The following ADGRB1 variants were observed in gnomAD, a reference collection of about 807,000 sequenced individuals.
ADGRB1 encodes the protein brain-specific angiogenesis inhibitor 1.
Under a neutral mutation model 175.7 loss-of-function variants are expected in ADGRB1, and 36 were observed. The observed-to-expected ratio is 0.20, with a 90% CI of 0.16 to 0.27. The LOEUF (loss-of-function observed/expected upper bound fraction) is 0.27, where lower values mean the gene tolerates loss of function less well. Ranked by LOEUF, ADGRB1 falls within the 10% of genes least tolerant of loss-of-function variation. The probability of loss-of-function intolerance (pLI) is 1.00; values close to 1 mark genes in which losing one functional copy is unlikely to be tolerated. For synonymous variants in ADGRB1, 1,054 were observed against 979.4 expected (o/e 1.08, Z -1.42); for missense variants, 1,731 against 2,255.3 (o/e 0.77, Z 4.71).
intron 1 of ADGRB1, among the ~76,000 whole-genome samples, chr8:142,453,953 A>G (rs1466625095): frequency 6.6e-6 from 1 of 152,140 alleles, no homozygotes; most frequent in East Asian, 1.9e-4. Flanking sequence ...TGAGAAATAG[A>G]CCAGAGCTGG....
rs1378203895 is a variant in ADGRB1 at position 142,492,219 on chromosome 8, G to A, written c.2675+1404G>A. ...ACCTTCTACCCACCACCCATCCACCGCTCCTCCGTCCGCCTGTTCTTTAAT... is the reference window on the plus strand; with the variant it reads ...ACCTTCTACCCACCACCCATCCACCACTCCTCCGTCCGCCTGTTCTTTAAT... On this transcript the variant is annotated intron_variant, in intron 17 of 30. Transcript: ENST00000517894. The surrounding 1 kb of genome is among the most constrained non-coding windows in gnomAD (Gnocchi z 4.4). Among the ~76,000 whole-genome samples the A allele has an allele frequency of 6.6e-6, 1 of 151,844 alleles. No homozygotes were observed. The highest frequency in any genetic ancestry group is 1.5e-5 in the Non-Finnish European group (1 of 67,950).
intron 12 of ADGRB1, 33 bp downstream of exon 12, chr8:142,484,078 C>T (rs771749725): frequency 1.9e-6 from 3 of 1,590,558 alleles, no homozygotes; most frequent in Non-Finnish European, 8.6e-7. Context: ...TCAGCAGCCT[C>T]AGGAGGGGTG....
Position 142,476,654 on chromosome 8 carries a change from G to A in ADGRB1, c.1016G>A (p.Gly339Glu), listed in dbSNP as rs1840993041. Residue 339 changes from glycine to glutamate, a missense_variant, in exon 4 of 31, where the codon GGG becomes GAG. This residue lies in a region of ADGRB1 where 178 missense variants were observed against 227.8 expected (regional missense o/e 0.78). Transcript: ENST00000517894. ...STDARRREELGDELQQFGFPA... is the reference protein window; with the variant it reads ...STDARRREELEDELQQFGFPA... The stretch of plus-strand genomic sequence containing the variant: ...GATGCCCGGCGGCGCGAGGAGCTGG[G>A]GGACGAGCTGCAGCAGTTTGGGTTC... 6.5e-7 allele frequency: 1 copy of A among 1,548,198 alleles called. No individual in the cohort carries two copies. The highest frequency in any genetic ancestry group is 8.7e-7 in the Non-Finnish European group (1 of 1,146,008).
At chr8:142,514,173 G>C (rs938676365) in intron 18 of ADGRB1, among the ~76,000 whole-genome samples, 1 of 152,104 alleles carries the variant, frequency 6.6e-6, no homozygotes, top group Admixed American at 6.5e-5. Flanking sequence ...GTGGCTTCGG[G>C]GGTTCAGAGT....
In ADGRB1 at chr8:142,542,211, T is replaced by G; in HGVS notation, c.3977T>G (p.Phe1326Cys). The stretch of plus-strand genomic sequence containing the variant: ...TCCTTCGTCGGTGACGGGGACATCT[T>G]CAAGAAGCTGGACTCGGAGCTGAGC... ...KSSFVGDGDIFKKLDSELSRA... is the reference protein window; with the variant it reads ...KSSFVGDGDICKKLDSELSRA... Residue 1326 changes from phenylalanine (F) to cysteine (C), a missense_variant, in exon 28 of 31, where the codon TTC (phenylalanine) becomes TGC (cysteine). Around this residue, in one of 8 missense-constraint regions of ADGRB1, gnomAD observed 394 missense variants for 410.2 expected, o/e 0.96. Transcript: ENST00000517894. The surrounding 1 kb of genome is among the most constrained non-coding windows in gnomAD (Gnocchi z 6.3). 1 of 1,613,564 alleles carries G rather than the reference T, an allele frequency of 6.2e-7. No homozygotes were observed. The highest frequency in any genetic ancestry group is 8.5e-7 in the Non-Finnish European group (1 of 1,179,792).
intron 27 of ADGRB1, 101 bp downstream of exon 27, chr8:142,539,514 C>A: frequency 7.1e-7 from 1 of 1,400,590 alleles, no homozygotes; most frequent in South Asian, 1.3e-5. Flanking sequence ...CATCCCTGTC[C>A]ACTCCTGCTG....
At chr8:142,453,037 C>T (rs1839451897) in intron 1 of ADGRB1, among the ~76,000 whole-genome samples, 1 of 115,362 alleles carries the variant, frequency 8.7e-6, no homozygotes, top group Non-Finnish European at 1.7e-5. Flanking sequence ...CGCCCGCCCG[C>T]CCGCCCGCTC....
chr8:142,499,917 A>G (rs1413767314), intron 17 of ADGRB1, among the ~76,000 whole-genome samples: 1 of 302 alleles, frequency 3.3e-3, no homozygotes, highest in Non-Finnish European at 7.2e-3. Context: ...CAGCAGGCTT[A>G]TGGGTTGGGC....
intron 24 of ADGRB1, among the ~76,000 whole-genome samples, chr8:142,528,053 C>T (rs1200987036): frequency 3.3e-5 from 5 of 151,264 alleles, no homozygotes; most frequent in African/African-American, 7.3e-5. Flanking sequence ...GTGTAGGTCT[C>T]GCCGCCCACG....
intron 2 of ADGRB1, among the ~76,000 whole-genome samples, chr8:142,466,468 T>C (rs1840282113): frequency 6.6e-6 from 1 of 152,202 alleles, no homozygotes; most frequent in African/African-American, 2.4e-5. Context: ...GGCGTGAGGC[T>C]TGGCCCAGCC....
At chr8:142,519,609 A>ATTG (rs1563734639) in intron 19 of ADGRB1, among the ~76,000 whole-genome samples, 4 of 113,356 alleles carry the variant, frequency 3.5e-5, no homozygotes, top group African/African-American at 1.4e-4. Context: ...GATGGTAGTG[A>ATTG]TGGTGGTGGT....
chr8:142,500,260 C>T lies in ADGRB1; in HGVS notation c.2675+9445C>T, dbSNP rs1193796694. 4.1e-3 allele frequency among the ~76,000 whole-genome samples: 375 copies of T among 90,598 alleles called. 22 individuals carry two copies. The highest frequency in any genetic ancestry group is 9.1e-3 in the African/African-American group (268 of 29,488). The allele number at this position is 90,598 out of a possible 152,430, so 59.4% of individuals were successfully genotyped here. A position where few individuals can be genotyped will look rare whatever the true frequency, so the allele number is the denominator to read the frequency against. On this transcript the variant is annotated intron_variant, in intron 17 of 30. Coordinates refer to ENST00000517894, the MANE Select transcript of ADGRB1 (RefSeq NM_001702.3). ...ACCTCCCCACGCGCCGCTCCTCCAC[C>T]TCCCCACGCGCCGCTCCTCCACCTC...
At chr8:142,517,838 G>A (rs551663046) in intron 18 of ADGRB1, among the ~76,000 whole-genome samples, 7 of 152,196 alleles carry the variant, frequency 4.6e-5, no homozygotes, top group Admixed American at 1.3e-4. Flanking sequence ...TGGAATTGAC[G>A]GGGTTCCGAG....
In ADGRB1 at chr8:142,510,416, C is replaced by T. The variant is rs1843024108; in HGVS notation, c.2676-516C>T. On this transcript the variant is annotated intron_variant, in intron 17 of 30. Coordinates refer to ENST00000517894, the MANE Select transcript of ADGRB1 (RefSeq NM_001702.3). The surrounding 1 kb of genome is among the most constrained non-coding windows in gnomAD (Gnocchi z 6.3). ...CCAAGGTCGTCAGCTCCAGCCGGCGCCCTGGGCCGCGGGGCCGGAGAGCTC... is the reference window on the plus strand; with the variant it reads ...CCAAGGTCGTCAGCTCCAGCCGGCGTCCTGGGCCGCGGGGCCGGAGAGCTC... Among the ~76,000 whole-genome samples the T allele has an allele frequency of 6.6e-6, 1 of 151,964 alleles. No homozygotes were observed. The highest frequency in any genetic ancestry group is 2.4e-5 in the African/African-American group (1 of 41,418).
rs1845469906 is a variant in ADGRB1 at position 142,544,397 on chromosome 8, G to A, written c.4735G>A (p.Asp1579Asn). 8 of 1,504,406 alleles carry A rather than the reference G, an allele frequency of 5.3e-6. No homozygotes were observed. The highest frequency in any genetic ancestry group is 7.1e-6 in the Non-Finnish European group (8 of 1,123,836). 93.2% of individuals were successfully genotyped at this position (1,504,406 alleles called of 1,614,324 possible). ...CCCGCTGGTGGGCCAGGACATCATC[G>A]ACCTCCAGACCGAGGTCTGAGCGGG... ...TIPLVGQDII[D>N]LQTEV The change falls in exon 31 of 31, where the codon GAC becomes AAC. Residue 1579 changes from aspartate (D) to asparagine (N), a missense_variant. Coordinates refer to ENST00000517894, the MANE Select transcript of ADGRB1 (RefSeq NM_001702.3).
At chr8:142,515,008 G>C (rs934137406) in intron 18 of ADGRB1, among the ~76,000 whole-genome samples, 1 of 152,158 alleles carries the variant, frequency 6.6e-6, no homozygotes, top group Non-Finnish European at 1.5e-5. Context: ...GGTGGATATA[G>C]GGTTCAGGAG....
Position 142,543,297 on chromosome 8 carries a change from C to A in ADGRB1, c.4414-106C>A. ...CTGGGTCTGGCCTGGTCCCTGAAGG[C>A]AGGCATGGGGCGAGTGAGTCCCTGA... On this transcript the variant is annotated intron_variant, in intron 28 of 30. Coordinates refer to ENST00000517894, the MANE Select transcript of ADGRB1 (RefSeq NM_001702.3). The surrounding 1 kb of genome is among the most constrained non-coding windows in gnomAD (Gnocchi z 4.4). 6.8e-7 allele frequency: 1 copy of A among 1,463,434 alleles called. No individual in the cohort carries two copies. The highest frequency in any genetic ancestry group is 1.9e-5 in the Admixed American group (1 of 53,038). The allele number at this position is 1,463,434 out of a possible 1,614,324, so 90.7% of individuals were successfully genotyped here. A position where few individuals can be genotyped will look rare whatever the true frequency, so the allele number is the denominator to read the frequency against.
At chr8:142,450,545 C>T (rs1839285001) in intron 1 of ADGRB1, among the ~76,000 whole-genome samples, 5 of 152,104 alleles carry the variant, frequency 3.3e-5, no homozygotes, top group Admixed American at 3.3e-4. Context: ...AACAGCCACA[C>T]ATAGACGCAG....
chr8:142,518,471 A>G (rs1843580040), intron 19 of ADGRB1, among the ~76,000 whole-genome samples: 2 of 152,078 alleles, frequency 1.3e-5, no homozygotes, highest in Non-Finnish European at 2.9e-5. Flanking sequence ...GCACAAACAC[A>G]GGGGGTGGGG....
Sources: gnomAD v4.1 joint callset for allele counts (sites outside exome capture counted in the v4.1 genomes callset) on GRCh38, gnomAD v4.1.1 for gene constraint, gnomAD v4.1.1 regional missense constraint, Gnocchi (gnomAD v3.1) non-coding constraint, MANE v1.5 for transcripts, NCBI Gene and HGNC (gene_info 2026-07-23, HGNC 2026-07-21) for gene names.